The following MYO18B variants were observed in gnomAD, a reference collection of about 807,000 sequenced individuals.
MYO18B encodes the protein unconventional myosin-XVIIIb.
MYO18B carries 204 observed loss-of-function variants against 273.0 expected under a neutral mutation model. That is an observed-to-expected ratio of 0.75 (90% CI 0.67 to 0.84). MYO18B has a LOEUF of 0.84. MYO18B is among the 40% of genes least tolerant of loss of function. The pLI is 0.00. For synonymous variants in MYO18B, 1,330 were observed against 1,305.7 expected, an observed-to-expected ratio of 1.02 and a Z score of -0.40; for missense variants, 3,212 against 3,287.6, an observed-to-expected ratio of 0.98 and a Z score of 0.56.
chr22:25,777,074 A>G (rs1206727647), intron 7 of MYO18B, among the ~76,000 whole-genome samples: 3 of 152,154 alleles, frequency 2.0e-5, no homozygotes, highest in Admixed American at 6.5e-5. Flanking sequence ...TCAATGGATT[A>G]TTTTACTGAA....
intron 42 of MYO18B, among the ~76,000 whole-genome samples, chr22:26,025,102 T>G (rs1936140353): frequency 6.6e-6 from 1 of 152,158 alleles, no homozygotes; most frequent in South Asian, 2.1e-4. Context: ...ATCATCATAT[T>G]GAGGATTAGG....
At chr22:25,828,107 C>T (rs1007777973) in intron 14 of MYO18B, among the ~76,000 whole-genome samples, 3 of 152,224 alleles carry the variant, frequency 2.0e-5, no homozygotes, top group African/African-American at 7.2e-5. Context: ...ACATGGCAAA[C>T]TTTGCTTTCA....
At chr22:25,890,671 C>T in intron 25 of MYO18B, 85 bp from the exon 26 acceptor site, 1 of 1,548,298 alleles carries the variant, frequency 6.5e-7, no homozygotes, top group Non-Finnish European at 8.7e-7. Context: ...AGTGATTTGT[C>T]CAAAGGCGAT....
At chr22:25,777,895 A>G in intron 8 of MYO18B, 114 bp downstream of exon 8, 1 of 1,051,388 alleles carries the variant, frequency 9.5e-7, no homozygotes, top group South Asian at 1.7e-5. Flanking sequence ...AGCACCAGAT[A>G]TGTGCAGACC....
intron 33 of MYO18B, 29 bp from the exon 34 acceptor site, chr22:25,921,228 A>T: frequency 6.5e-7 from 1 of 1,537,112 alleles, no homozygotes; most frequent in Non-Finnish European, 8.8e-7. Flanking sequence ...TTTGCCACCT[A>T]AGCTCATGGG....
chr22:25,838,262 G>A (rs1201073785), intron 17 of MYO18B, among the ~76,000 whole-genome samples: 1 of 151,948 alleles, frequency 6.6e-6, no homozygotes, highest in Non-Finnish European at 1.5e-5. Context: ...GCAGTGGCGC[G>A]ATCTCAGCTC....
rs370996002 is a variant in MYO18B at position 25,947,355 on chromosome 22, G to A, written c.5632-357G>A. On this transcript the variant is annotated intron_variant, in intron 35 of 43. Coordinates refer to ENST00000335473, the MANE Select transcript of MYO18B (RefSeq NM_032608.7). ...CAAAGTCCCTGTTCTCAGGGAGAGCGCCGGGATTTGCATTTTCATATATGT... is the reference window on the plus strand; with the variant it reads ...CAAAGTCCCTGTTCTCAGGGAGAGCACCGGGATTTGCATTTTCATATATGT... Among the ~76,000 whole-genome samples, 11 of 152,092 alleles carry A rather than the reference G, an allele frequency of 7.2e-5. No homozygotes were observed. In the South Asian group the frequency reaches 8.3e-4, roughly 11 times the overall value.
intron 7 of MYO18B, among the ~76,000 whole-genome samples, chr22:25,775,724 A>T (rs1334377769): frequency 6.6e-6 from 1 of 151,766 alleles, no homozygotes; most frequent in Non-Finnish European, 1.5e-5. Context: ...GGTCTCCCTG[A>T]CCTGTCCCTG....
At chr22:25,969,194 T>C (rs1411327964) in intron 39 of MYO18B, among the ~76,000 whole-genome samples, 1 of 152,164 alleles carries the variant, frequency 6.6e-6, no homozygotes, top group African/African-American at 2.4e-5. Context: ...ACCTTATCTG[T>C]TGGAGAGAGG....
intron 34 of MYO18B, among the ~76,000 whole-genome samples, chr22:25,941,600 C>A (rs1011425449): frequency 6.6e-6 from 1 of 152,228 alleles, no homozygotes; most frequent in Admixed American, 6.5e-5. Context: ...GCAGTGAATT[C>A]TTCTTATGCT....
At chr22:25,938,162 G>T (rs987517435) in intron 34 of MYO18B, among the ~76,000 whole-genome samples, 4 of 152,040 alleles carry the variant, frequency 2.6e-5, no homozygotes, top group African/African-American at 9.7e-5. Flanking sequence ...TAACCATTCT[G>T]CCCAAAGACT....
intron 31 of MYO18B, among the ~76,000 whole-genome samples, chr22:25,904,506 A>G (rs2092000998): frequency 6.6e-6 from 1 of 152,164 alleles, no homozygotes; most frequent in South Asian, 2.1e-4. Flanking sequence ...CTGACCCCAC[A>G]CTGCCTCGAA....
chr22:25,983,029 C>T (rs2093165352), intron 39 of MYO18B, among the ~76,000 whole-genome samples: 1 of 152,100 alleles, frequency 6.6e-6, no homozygotes, highest in Non-Finnish European at 1.5e-5. Flanking sequence ...ATAACTAGTA[C>T]AGAATAGGGA....
chr22:25,765,767 A>AGG (rs1329067931), intron 3 of MYO18B, among the ~76,000 whole-genome samples: 2 of 143,082 alleles, frequency 1.4e-5, no homozygotes, highest in Admixed American at 1.4e-4. Flanking sequence ...TGGGCATATG[A>AGG]GGGTGGGGTG....
the MYO18B span, among the ~76,000 whole-genome samples, chr22:26,055,426 C>T: frequency 2.6e-5 from 4 of 152,176 alleles, no homozygotes; most frequent in African/African-American, 7.2e-5. Context: ...TACTCTAATC[C>T]GGTGAGAATG....
At chr22:26,022,131 C>A (rs1474766752) in intron 42 of MYO18B, among the ~76,000 whole-genome samples, 4 of 152,012 alleles carry the variant, frequency 2.6e-5, no homozygotes, top group South Asian at 2.1e-4. Context: ...ACTCTGAGAG[C>A]CTTCTATACG....
At position 25,769,114 on chromosome 22, in the gene MYO18B, G is replaced by C. The variant is rs1439169012; in HGVS notation, c.1198G>C (p.Gly400Arg). Residue 400 changes from glycine (G) to arginine (R), a missense_variant, in exon 4 of 44, where the codon GGT becomes CGT. Physicochemically the swap from Gly to Arg is moderately radical, Grantham distance 125 (BLOSUM62 -2). Transcript: ENST00000335473. ...GAAGGAAAAGATGGGGCAACCCCAG[G>C]GTAAGTCCGGGAACGCAGGTGAAGC... ...DKKEKMGQPQGKSGNAGEARS... is the reference protein window; with the variant it reads ...DKKEKMGQPQRKSGNAGEARS... The C allele has an allele frequency of 1.9e-6, 3 of 1,613,566 alleles. No homozygotes were observed. The highest frequency in any genetic ancestry group is 2.5e-6 in the Non-Finnish European group (3 of 1,179,730).
At position 25,891,373 on chromosome 22, in the gene MYO18B, A is replaced by C; in HGVS notation, c.4504A>C (p.Ile1502Leu). 1 of 1,585,754 alleles carries C rather than the reference A, an allele frequency of 6.3e-7. No homozygotes were observed. The highest frequency in any genetic ancestry group is 8.6e-7 in the Non-Finnish European group (1 of 1,165,774). Residue 1502 changes from isoleucine to leucine, a missense_variant, in exon 27 of 44, where the codon ATT becomes CTT. Ile to Leu is a conservative substitution (Grantham distance 5). Coordinates refer to ENST00000335473, the MANE Select transcript of MYO18B (RefSeq NM_032608.7). The part of the protein sequence containing the change: ...NKQLEEAQQK[I>L]QLNDLERNPT... ...ACAGTTGGAAGAAGCCCAGCAGAAA[A>C]TTCAGTTGAATGACTTGGAAAGGAA...
the MYO18B span, among the ~76,000 whole-genome samples, chr22:26,053,934 A>G: frequency 6.6e-6 from 1 of 152,202 alleles, no homozygotes; most frequent in Admixed American, 6.5e-5. Flanking sequence ...TGCAAAAGAG[A>G]TGATGCAACA....
Sources: allele counts gnomAD v4.1 joint callset (sites outside exome capture counted in the v4.1 genomes callset), GRCh38; gene constraint gnomAD v4.1.1; transcripts MANE v1.5; gene names NCBI Gene and HGNC (gene_info 2026-07-23, HGNC 2026-07-21).